Variants in CFAP299 observed in about 807,000 individuals in gnomAD.
CFAP299 encodes the protein cilia- and flagella-associated protein 299.
In CFAP299, 21 loss-of-function variants were observed where a neutral mutation model predicts 27.0. The ratio of observed to expected loss-of-function variants is 0.78; its 90% CI spans 0.55 to 1.12. The LOEUF is 1.12. CFAP299 is among the 50% of genes most tolerant of loss of function. The probability of loss-of-function intolerance (pLI) is 0.00; values close to 1 mark genes in which losing one functional copy is unlikely to be tolerated. For missense variants in CFAP299, 310 were observed against 276.6 expected, an observed-to-expected ratio of 1.12 and a Z score of -0.86; for synonymous variants, 104 against 98.1, an observed-to-expected ratio of 1.06 and a Z score of -0.36.
intron 1 of CFAP299, among the ~76,000 whole-genome samples, chr4:80,357,028 G>A (rs1723312475): frequency 6.6e-6 from 1 of 152,124 alleles, no homozygotes; most frequent in Non-Finnish European, 1.5e-5. Flanking sequence ...CTGGTTTATT[G>A]AGAATTTTTA....
At chr4:80,546,697 T>C (rs1454486511) in intron 2 of CFAP299, among the ~76,000 whole-genome samples, 3 of 151,882 alleles carry the variant, frequency 2.0e-5, no homozygotes, top group African/African-American at 7.3e-5. Flanking sequence ...GGCACTTCAC[T>C]CCTACTCTCT....
At chr4:80,803,175 T>C (rs749697901) in intron 3 of CFAP299, among the ~76,000 whole-genome samples, 8 of 152,060 alleles carry the variant, frequency 5.3e-5, no homozygotes, top group Non-Finnish European at 1.0e-4. Flanking sequence ...TAAGTGAATC[T>C]AGGCTTGTGG....
chr4:80,562,803 G>A (rs62305161), intron 2 of CFAP299, among the ~76,000 whole-genome samples: 3 of 151,582 alleles, frequency 2.0e-5, no homozygotes, highest in African/African-American at 4.8e-5. Context: ...TACAAGAAAC[G>A]TACTTTACCT....
At chr4:80,365,413 A>G (rs191407736) in intron 2 of CFAP299, among the ~76,000 whole-genome samples, 151 of 152,308 alleles carry the variant, frequency 9.9e-4, no homozygotes, top group African/African-American at 3.3e-3. Flanking sequence ...GTGTCTGTTC[A>G]TGAAGCAAAG....
intron 2 of CFAP299, among the ~76,000 whole-genome samples, chr4:80,436,745 A>T (rs1728101571): frequency 6.6e-6 from 1 of 152,288 alleles, no homozygotes; most frequent in Admixed American, 6.5e-5. Context: ...GAAAAATATA[A>T]TACGACCTTT....
chr4:80,535,256 A>G (rs1733667654), intron 2 of CFAP299, among the ~76,000 whole-genome samples: 1 of 152,066 alleles, frequency 6.6e-6, no homozygotes, highest in Non-Finnish European at 1.5e-5. Flanking sequence ...TTAGAATGGG[A>G]AAAATACCAT....
intron 2 of CFAP299, among the ~76,000 whole-genome samples, chr4:80,415,323 C>T (rs1726942999): frequency 6.6e-6 from 1 of 152,008 alleles, no homozygotes; most frequent in Non-Finnish European, 1.5e-5. Flanking sequence ...CCAAATAAGT[C>T]TATATTGTAA....
At chr4:80,336,297 G>A (rs1181368412) in intron 1 of CFAP299, among the ~76,000 whole-genome samples, 6 of 152,198 alleles carry the variant, frequency 3.9e-5, no homozygotes, top group African/African-American at 1.4e-4. Context: ...TTAAAGAACA[G>A]AAGATGGCAT....
chr4:80,838,299 G>A (rs1730677444), intron 3 of CFAP299, among the ~76,000 whole-genome samples: 1 of 152,074 alleles, frequency 6.6e-6, no homozygotes, highest in South Asian at 2.1e-4. Context: ...GGCTTTTGTT[G>A]CCATTGCTTT....
chr4:80,544,878 T>C (rs77629455), intron 2 of CFAP299, among the ~76,000 whole-genome samples: 2,948 of 152,236 alleles, frequency 0.019, 93 homozygotes, highest in African/African-American at 0.065. Context: ...TAAACATCTA[T>C]ACAACACTCA....
chr4:80,910,866 G>A (rs147614771), intron 4 of CFAP299, among the ~76,000 whole-genome samples: 2 of 152,028 alleles, frequency 1.3e-5, no homozygotes, highest in Admixed American at 1.3e-4. Context: ...AGTCTTGGAA[G>A]TATGAACTCT....
intron 4 of CFAP299, among the ~76,000 whole-genome samples, chr4:80,924,022 G>A (rs1335280407): frequency 6.6e-6 from 1 of 151,950 alleles, no homozygotes; most frequent in African/African-American, 2.4e-5. Flanking sequence ...GAGTTTGCAG[G>A]AAGGGAGAGA....
intron 2 of CFAP299, among the ~76,000 whole-genome samples, chr4:80,566,281 A>AT (rs1033645359): frequency 8.5e-5 from 13 of 152,094 alleles, no homozygotes; most frequent in East Asian, 7.7e-4. Flanking sequence ...TTCTAATAGT[A>AT]TTTTTTTAAG....
At chr4:80,390,315 C>T (rs985057002) in intron 2 of CFAP299, among the ~76,000 whole-genome samples, 1 of 151,736 alleles carries the variant, frequency 6.6e-6, no homozygotes, top group African/African-American at 2.4e-5. Context: ...CATCTGTTCT[C>T]TGCTTTTATG....
chr4:80,905,342 G>A (rs1054913236), intron 4 of CFAP299, among the ~76,000 whole-genome samples: 2 of 152,082 alleles, frequency 1.3e-5, no homozygotes, highest in Non-Finnish European at 2.9e-5. Context: ...GTTAGACTAC[G>A]CTTACTAGTG....
chr4:80,440,948 G>A (rs1315642379), intron 2 of CFAP299, among the ~76,000 whole-genome samples: 1 of 152,140 alleles, frequency 6.6e-6, no homozygotes, highest in Non-Finnish European at 1.5e-5. Context: ...TCAAGTGGAA[G>A]TAAAGATATC....
chr4:80,783,690 A>T (rs906152071), intron 3 of CFAP299, among the ~76,000 whole-genome samples: 2 of 152,196 alleles, frequency 1.3e-5, no homozygotes, highest in Non-Finnish European at 2.9e-5. Context: ...ATTTTGAACA[A>T]CATCACTGGG....
chr4:80,402,271 G>A lies in CFAP299; in HGVS notation c.242+39387G>A, dbSNP rs1726200934. On this transcript the variant is annotated intron_variant, in intron 2 of 5. Transcript: ENST00000358105. ...GGAAACGAGATTTGGAGGGGCCAGGGGTGGAATTATATGATTTGGCTGTGT... is the reference window on the plus strand; with the variant it reads ...GGAAACGAGATTTGGAGGGGCCAGGAGTGGAATTATATGATTTGGCTGTGT... Among the ~76,000 whole-genome samples, 4 of 152,028 alleles carry A rather than the reference G, an allele frequency of 2.6e-5. No individual in the cohort carries two copies. The South Asian group carries it at 8.3e-4, about 32-fold the overall frequency.
intron 4 of CFAP299, among the ~76,000 whole-genome samples, chr4:80,919,134 T>C (rs1373698709): frequency 6.6e-6 from 1 of 152,184 alleles, no homozygotes; most frequent in Non-Finnish European, 1.5e-5. Context: ...GAATTTCTTT[T>C]CTTCTTACTA....
Sources: allele counts gnomAD v4.1 joint callset (sites outside exome capture counted in the v4.1 genomes callset), GRCh38; gene constraint gnomAD v4.1.1; transcripts MANE v1.5; gene names NCBI Gene and HGNC (gene_info 2026-07-23, HGNC 2026-07-21).